Variants in NLRC4 observed in about 807,000 individuals in gnomAD.
NLRC4 encodes NLR family CARD domain containing 4.
In NLRC4, 63 loss-of-function variants were observed where a neutral mutation model predicts 79.9. That is an observed-to-expected ratio of 0.79 (90% CI 0.64 to 0.97). The LOEUF is 0.97. Among genes scored for constraint, NLRC4 ranks in the 50% least tolerant of loss-of-function variants. The pLI is 0.00. For missense variants in NLRC4, 1,074 were observed against 1,215.2 expected (o/e 0.88, Z 1.73); for synonymous variants, 461 against 456.5 (o/e 1.01, Z -0.12).
chr2:32,251,646 T>C (rs1687081640), intron 3 of NLRC4, 45 bp from the exon 4 acceptor site: 5 of 1,348,808 alleles, frequency 3.7e-6, no homozygotes, highest in Admixed American at 2.1e-5. Context: ...ATTCTGTGTC[T>C]CCTCAAAACC....
At chr2:32,227,470 T>G (rs1231854837) in intron 8 of NLRC4, among the ~76,000 whole-genome samples, 1 of 152,196 alleles carries the variant, frequency 6.6e-6, no homozygotes, top group Non-Finnish European at 1.5e-5. Context: ...CTCCATATGC[T>G]TCCCAGCATG....
upstream of NLRC4, among the ~76,000 whole-genome samples, chr2:32,265,162 A>G (rs1687437713): frequency 6.6e-6 from 1 of 151,288 alleles, no homozygotes; most frequent in Admixed American, 6.6e-5. Flanking sequence ...CATCCAACAT[A>G]TATTTTTTTT....
Position 32,251,093 on chromosome 2 carries a change from G to T in NLRC4, c.771C>A (p.Asn257Lys). ...TTATCAGGGCTTCGATTTCTGGGCA[G>T]TTCTGGGGCTTGAATTCATTGTAGC... ...LDGYNEFKPQ[N>K]CPEIEALIKE... is the part of the protein sequence containing the mutation. The change falls in exon 4 of 9, where the codon AAC (asparagine) becomes AAA (lysine). Residue 257 changes from asparagine to lysine, a missense_variant. Physicochemically the swap from Asn to Lys is moderately conservative, Grantham distance 94. Transcript: ENST00000402280. The T allele has an allele frequency of 1.9e-6, 3 of 1,614,180 alleles. No individual in the cohort carries two copies. The highest frequency in any genetic ancestry group is 2.5e-6 in the Non-Finnish European group (3 of 1,180,032).
In NLRC4 at chr2:32,261,316, C is replaced by CCCCTTTTTTTTTTTTTTTTTTT; in HGVS notation, c.-119+3421_-119+3422insAAAAAAAAAAAAAAAAAAAGGG. Among the ~76,000 whole-genome samples, 38 of 96,874 alleles carry CCCCTTTTTTTTTTTTTTTTTTT rather than the reference C, an allele frequency of 3.9e-4. 1 individual carries two copies. The highest frequency in any genetic ancestry group is 4.8e-4 in the Admixed American group (4 of 8,322). 63.6% of individuals were successfully genotyped at this position (96,874 alleles called of 152,430 possible). A position where few individuals can be genotyped will look rare whatever the true frequency, so the allele number is the denominator to read the frequency against. ...TTCTTTCGCCTATTAAGCCTCCCCC[C>CCCCTTTTTTTTTTTTTTTTTTT]TTTTGTTTTTTTTTGAGATGGAGCC... is the stretch of plus-strand genomic sequence containing the variant. On this transcript the variant is annotated intron_variant, in intron 1 of 8. Coordinates refer to ENST00000402280, the MANE Select transcript of NLRC4 (RefSeq NM_001199138.2).
rs116498871 is a variant in NLRC4, at chr2:32,234,452, A to G, written c.2782+949T>C. 9.4e-3 allele frequency among the ~76,000 whole-genome samples: 1,429 copies of G among 152,362 alleles called. 21 individuals are homozygous for G. Among genetic ancestry groups the G allele is most frequent in the African/African-American group, 0.033 (1,373 of 41,578 alleles). ...ACGTTACGTAAACTAAACACATTTTAGACAATCTGTAAGAGAAATGAAGGC... is the reference window on the plus strand; with the variant it reads ...ACGTTACGTAAACTAAACACATTTTGGACAATCTGTAAGAGAAATGAAGGC... On this transcript the variant is annotated intron_variant, in intron 8 of 8. Transcript: ENST00000402280.
At chr2:32,261,583 T>G (rs1475562784) in intron 1 of NLRC4, among the ~76,000 whole-genome samples, 1 of 150,338 alleles carries the variant, frequency 6.7e-6, no homozygotes, top group Non-Finnish European at 1.5e-5. Flanking sequence ...GTGCTGGGAT[T>G]ACAGGCGTGA....
At chr2:32,226,869 A>G (rs930833233) in intron 8 of NLRC4, among the ~76,000 whole-genome samples, 1 of 151,236 alleles carries the variant, frequency 6.6e-6, no homozygotes, top group East Asian at 2.0e-4. Flanking sequence ...AACGAGTGAA[A>G]CTCCATTTCA....
chr2:32,252,361 A>G, intron 3 of NLRC4, 58 bp downstream of exon 3: 1 of 1,299,108 alleles, frequency 7.7e-7, no homozygotes, highest in Admixed American at 1.8e-5. Context: ...GGGAAGATGG[A>G]TCTTTGTTGT....
chr2:32,224,878 T>C, intron 8 of NLRC4, 113 bp from the exon 9 acceptor site: 1 of 621,162 alleles, frequency 1.6e-6, no homozygotes, highest in Non-Finnish European at 2.7e-6. Context: ...ATGGCCATGT[T>C]TGAACCAGTG....
intron 1 of NLRC4, among the ~76,000 whole-genome samples, chr2:32,263,899 A>C (rs1189649505): frequency 1.3e-5 from 2 of 152,210 alleles, no homozygotes; most frequent in African/African-American, 4.8e-5. Flanking sequence ...GTAGGGCAGG[A>C]CATTTAACTC....
intron 1 of NLRC4, among the ~76,000 whole-genome samples, chr2:32,261,065 C>T (rs1467238482): frequency 6.6e-6 from 1 of 151,152 alleles, no homozygotes; most frequent in East Asian, 2.0e-4. Context: ...TGGTGGTGGG[C>T]GCCTGTAGTC....
At chr2:32,259,300 G>GTTTTT (rs1687284645) in intron 1 of NLRC4, among the ~76,000 whole-genome samples, 1 of 58,280 alleles carries the variant, frequency 1.7e-5, no homozygotes, top group African/African-American at 7.3e-5. Context: ...TAGAGACAGA[G>GTTTTT]TTTTGCCGTG....
chr2:32,246,543 C>T (rs1447985093), intron 4 of NLRC4, among the ~76,000 whole-genome samples: 1 of 152,220 alleles, frequency 6.6e-6, no homozygotes, highest in Non-Finnish European at 1.5e-5. Flanking sequence ...CAGACTGCTA[C>T]AGTTAAGTAC....
At position 32,240,990 on chromosome 2, in the gene NLRC4, T is replaced by G. The variant is rs775403908; in HGVS notation, c.2350+43A>C. On this transcript the variant is annotated intron_variant, in intron 5 of 8. Coordinates refer to ENST00000402280, the MANE Select transcript of NLRC4 (RefSeq NM_001199138.2). ...AGAGCCTGAAGTTAACTCCTCTTAT[T>G]ATCAAACTTACATTGATACAAATAT... The G allele has an allele frequency of 5.6e-6, 7 of 1,251,918 alleles. No homozygotes were observed. In the Admixed American group the frequency reaches 8.6e-5, roughly 15 times the overall value. 77.6% of individuals were successfully genotyped at this position (1,251,918 alleles called of 1,614,324 possible). A position where few individuals can be genotyped will look rare whatever the true frequency, so the allele number is the denominator to read the frequency against.
In NLRC4 at chr2:32,224,675, A is replaced by C; in HGVS notation, c.2873T>G (p.Met958Arg). ...TTGCTTAAGATTCTCAAATACACCC[A>C]TGAAGGCAAGCCATCCATCACTGCT... ...RVSSDGWLAF[M>R]GVFENLKQLV... is the part of the protein sequence containing the mutation. Residue 958 changes from methionine to arginine, a missense_variant, in exon 9 of 9, where the codon ATG (methionine) becomes AGG (arginine). Transcript: ENST00000402280. The C allele has an allele frequency of 6.2e-7, 1 of 1,613,134 alleles. No individual in the cohort carries two copies. Among genetic ancestry groups the C allele is most frequent in the African/African-American group, 1.3e-5 (1 of 75,034 alleles).
intron 1 of NLRC4, among the ~76,000 whole-genome samples, chr2:32,257,183 G>C (rs1687226286): frequency 6.6e-6 from 1 of 152,216 alleles, no homozygotes; most frequent in Non-Finnish European, 1.5e-5. Flanking sequence ...AATGTCAAAA[G>C]ACGGTATAAG....
At chr2:32,235,864 CAT>C (rs1239846410) in intron 7 of NLRC4, among the ~76,000 whole-genome samples, 6 of 152,270 alleles carry the variant, frequency 3.9e-5, no homozygotes, top group East Asian at 3.9e-4. Context: ...TAAAGCAAAT[CAT>C]GGACAATATG....
chr2:32,229,045 C>T (rs1319725182), intron 8 of NLRC4, among the ~76,000 whole-genome samples: 1 of 151,990 alleles, frequency 6.6e-6, no homozygotes, highest in Admixed American at 6.6e-5. Context: ...GGATTACAGG[C>T]ATGAGCTCTC....
chr2:32,242,454 CAT>C (rs1481389917), intron 4 of NLRC4, among the ~76,000 whole-genome samples: 12 of 152,168 alleles, frequency 7.9e-5, no homozygotes, highest in Admixed American at 3.3e-4. Flanking sequence ...TACCAACACT[CAT>C]GTGATACGGA....
Sources: gnomAD v4.1 joint callset for allele counts (sites outside exome capture counted in the v4.1 genomes callset) on GRCh38, gnomAD v4.1.1 for gene constraint, MANE v1.5 for transcripts, NCBI Gene and HGNC (gene_info 2026-07-23, HGNC 2026-07-21) for gene names.